The following ERN2 variants were observed in gnomAD, a reference collection of about 807,000 sequenced individuals.
ERN2 encodes endoplasmic reticulum to nucleus signaling 2, also known as serine/threonine-protein kinase/endoribonuclease IRE2.
A neutral mutation model predicts 107.9 loss-of-function variants in ERN2; 111 were observed. The observed-to-expected ratio is 1.03, with a 90% CI of 0.88 to 1.20. The LOEUF (loss-of-function observed/expected upper bound fraction) is 1.20. ERN2 is among the 50% of genes most tolerant of loss of function. The pLI is 0.00. For missense variants in ERN2, 1,225 were observed against 1,197.9 expected (o/e 1.02, Z -0.33); for synonymous variants, 524 against 501.7 (o/e 1.04, Z -0.59).
At position 23,694,857 on chromosome 16, in the gene ERN2, C is replaced by A. The variant is rs1221899701; in HGVS notation, c.1971G>T (p.Val657=). The A allele has an allele frequency of 1.9e-6, 3 of 1,614,214 alleles. No individual in the cohort carries two copies. The highest frequency in any genetic ancestry group is 2.5e-6 in the Non-Finnish European group (3 of 1,180,022). Residue 657 remains valine (V), a synonymous_variant, in exon 17 of 22, where the codon GTG becomes GTT. Transcript: ENST00000256797. ...GPDSQGLGRV[V]LSDFGLCKKL... ...TCTTGCAGAGGCCGAAGTCTGAGAG[C>A]ACCACTCTGCCCAGGCCCTGGCTGT...
chr16:23,706,512 G>A (rs36047689), intron 6 of ERN2, 81 bp from the exon 7 acceptor site: 480,347 of 1,080,972 alleles, frequency 0.44, 111,355 homozygotes, highest in Non-Finnish European at 0.48. Context: ...TCTTGCAGGA[G>A]TGGGGGTTTC....
At chr16:23,706,959 T>A (rs371449263) in intron 5 of ERN2, 48 bp downstream of exon 5, 19 of 1,590,120 alleles carry the variant, frequency 1.2e-5, no homozygotes, top group Admixed American at 1.7e-5. Flanking sequence ...CTTAGATCCC[T>A]GCCTCTGCTG....
At position 23,700,579 on chromosome 16, in the gene ERN2, C is replaced by A; in HGVS notation, c.1485G>T (p.Gln495His). ...GASRRSQKRL[Q>H]SPSKQAQPLD... ...GTGGCTGGGCTTGCTTTGAGGGACT[C>A]TGAAGCCTCTTCTGGCTCCTCCGGC... The change falls in exon 13 of 22, where the codon CAG becomes CAT. Residue 495 changes from glutamine (Q) to histidine (H), a missense_variant. Physicochemically the swap from Gln to His is conservative, Grantham distance 24. Transcript: ENST00000256797. The A allele has an allele frequency of 6.2e-7, 1 of 1,614,092 alleles. No individual in the cohort carries two copies. Among genetic ancestry groups the A allele is most frequent in the Non-Finnish European group, 8.5e-7 (1 of 1,179,976 alleles).
intron 4 of ERN2, 85 bp from the exon 5 acceptor site, chr16:23,707,164 C>G: frequency 1.1e-6 from 1 of 922,788 alleles, no homozygotes; most frequent in Non-Finnish European, 1.8e-6. Context: ...TCCATAGCAA[C>G]CAATTAACAG....
At position 23,704,927 on chromosome 16, in the gene ERN2, G is replaced by A. The variant is rs778918044; in HGVS notation, c.810C>T (p.Pro270=). Residue 270 remains proline (P), a synonymous_variant, in exon 8 of 22, where the codon CCC becomes CCT. Transcript: ENST00000256797. ...TAGAGAAGAGGGTGGCTGTGTCCCGGGGGCCTGAGGCAGGCAGTCGGATGT... is the reference window on the plus strand; with the variant it reads ...TAGAGAAGAGGGTGGCTGTGTCCCGAGGGCCTGAGGCAGGCAGTCGGATGT... The part of the protein sequence containing the change: ...WGHIRLPASG[P]RDTATLFSTL... 5.0e-6 allele frequency: 8 copies of A among 1,613,478 alleles called. No homozygotes were observed. The highest frequency in any genetic ancestry group is 3.3e-4 in the Middle Eastern group (2 of 6,032).
At chr16:23,702,343 A>T (rs1263990949) in intron 10 of ERN2, 47 bp downstream of exon 10, 2 of 1,610,998 alleles carry the variant, frequency 1.2e-6, no homozygotes, top group Non-Finnish European at 1.7e-6. Context: ...CTGGGCTCAC[A>T]GGTTCTTTAT....
At chr16:23,707,111 A>T in intron 4 of ERN2, 32 bp from the exon 5 acceptor site, 1 of 1,519,740 alleles carries the variant, frequency 6.6e-7, no homozygotes, top group Non-Finnish European at 9.1e-7. Flanking sequence ...GGAAGGAGTA[A>T]GAGCAGCAAC....
intron 1 of ERN2, chr16:23,711,879 C>T (rs1040087205): frequency 4.8e-6 from 1 of 206,994 alleles, no homozygotes; most frequent in South Asian, 4.5e-5. Context: ...CCCAAACCAG[C>T]CCAGCTGGTT....
intron 11 of ERN2, 116 bp downstream of exon 11, chr16:23,702,036 G>T: frequency 9.2e-7 from 1 of 1,084,246 alleles, no homozygotes; most frequent in East Asian, 2.4e-5. Flanking sequence ...ATTGTGTGAG[G>T]TCAATTGACC....
At chr16:23,691,098 G>GACCCAGGCCC (rs372802407) in intron 21 of ERN2, 31 bp downstream of exon 21, 12 of 1,613,804 alleles carry the variant, frequency 7.4e-6, no homozygotes, top group African/African-American at 2.7e-5. Context: ...GCCTTCCCAA[G>GACCCAGGCCC]ACCCAGGCCC....
At chr16:23,708,752 T>A (rs1451255817) in intron 4 of ERN2, among the ~76,000 whole-genome samples, 1 of 152,178 alleles carries the variant, frequency 6.6e-6, no homozygotes, top group African/African-American at 2.4e-5. Flanking sequence ...GCTCTGGGCA[T>A]GTAAGACGTG....
Position 23,695,193 on chromosome 16 carries a change from A to C in ERN2, c.1800+7T>G. The C allele has an allele frequency of 6.2e-7, 1 of 1,613,954 alleles. No individual in the cohort carries two copies. The highest frequency in any genetic ancestry group is 8.5e-7 in the Non-Finnish European group (1 of 1,179,850). On this transcript the variant is annotated splice_region_variant and intron_variant, in intron 15 of 21. Coordinates refer to ENST00000256797, the MANE Select transcript of ERN2 (RefSeq NM_033266.4). ...ACTCACCCTCCCTGAACCGCAATGC[A>C]ACTCACCTCCTGCAAGGAGGCCCGG...
chr16:23,691,007 G>C lies in ERN2; in HGVS notation c.2605C>G (p.Gln869Glu), dbSNP rs765079677. The C allele has an allele frequency of 3.7e-6, 6 of 1,614,070 alleles. No individual in the cohort carries two copies. In the African/African-American group the frequency reaches 8.0e-5, roughly 22 times the overall value. The change falls in exon 22 of 22, where the codon CAG (glutamine) becomes GAG (glutamate). Residue 869 changes from glutamine to glutamate, a missense_variant. Physicochemically the swap from Gln to Glu is conservative, Grantham distance 29. Transcript: ENST00000256797. ...HYRELPVEVR[Q>E]ALGQVPDGFV... is the part of the protein sequence containing the mutation. ...CCATCAGGGACTTGGCCGAGTGCCT[G>C]TCGCACCTCAACTGGGAGCTCCCTG...
intron 7 of ERN2, 49 bp from the exon 8 acceptor site, chr16:23,705,196 G>A: frequency 6.3e-7 from 1 of 1,588,638 alleles, no homozygotes; most frequent in Admixed American, 1.7e-5. Context: ...TCTCCTAAGA[G>A]GGTCCAAGGG....
rs1959627339 is a variant in ERN2 at position 23,692,222 on chromosome 16, C to T, written c.2210G>A (p.Gly737Glu). Residue 737 changes from glycine to glutamate, a missense_variant, in exon 18 of 22, where the codon GGG becomes GAG. Gly to Glu is a moderately conservative substitution (Grantham distance 98). Coordinates refer to ENST00000256797, the MANE Select transcript of ERN2 (RefSeq NM_033266.4). ...CTCCAGGTGAGCCAGACAGGGAGCC[C>T]CTGTGAGGATGTTTGCCTGGCGATA... The part of the protein sequence containing the change: ...SLYRQANILT[G>E]APCLAHLEEE... 2 of 1,614,028 alleles carry T rather than the reference C, an allele frequency of 1.2e-6. No homozygotes were observed. The highest frequency in any genetic ancestry group is 8.5e-7 in the Non-Finnish European group (1 of 1,180,034).
chr16:23,707,000 T>A lies in ERN2; in HGVS notation c.379+7A>T, dbSNP rs751483959. 1.9e-6 allele frequency: 3 copies of A among 1,612,568 alleles called. No individual in the cohort carries two copies. The highest frequency in any genetic ancestry group is 2.7e-5 in the African/African-American group (2 of 74,918). On this transcript the variant is annotated splice_region_variant and intron_variant, in intron 5 of 21. Coordinates refer to ENST00000256797, the MANE Select transcript of ERN2 (RefSeq NM_033266.4). ...ACCTGGACCCCACAGGCTGAAGAGA[T>A]GCTCACCTGTGTAGAAGACCCCATC...
At chr16:23,693,294 T>G (rs542267921) in intron 17 of ERN2, among the ~76,000 whole-genome samples, 1 of 151,834 alleles carries the variant, frequency 6.6e-6, no homozygotes, top group Admixed American at 6.6e-5. Flanking sequence ...CTCAAAAATA[T>G]ATATATATAG....
chr16:23,711,924 G>A lies in ERN2; in HGVS notation c.94-906C>T, dbSNP rs1488627680. On this transcript the variant is annotated intron_variant, in intron 1 of 21. Coordinates refer to ENST00000256797, the MANE Select transcript of ERN2 (RefSeq NM_033266.4). Reference sequence around the variant, plus strand: ...GGCTCCAGTGGGTCCCTTGACCCAAGGCTGGGGGGTGCCCTTGGGAGGGGG... The same window carrying A: ...GGCTCCAGTGGGTCCCTTGACCCAAAGCTGGGGGGTGCCCTTGGGAGGGGG... 1.4e-5 allele frequency: 4 copies of A among 287,188 alleles called. No homozygotes were observed. The Admixed American group carries it at 1.5e-4, about 11-fold the overall frequency. 17.8% of individuals were successfully genotyped at this position (287,188 alleles called of 1,614,324 possible).
intron 21 of ERN2, 29 bp from the exon 22 acceptor site, chr16:23,691,072 G>T: frequency 6.2e-7 from 1 of 1,613,840 alleles, no homozygotes; most frequent in South Asian, 1.1e-5. Flanking sequence ...GAGAACCCTG[G>T]CTCAGCTGCG....
Sources: allele counts gnomAD v4.1 joint callset (sites outside exome capture counted in the v4.1 genomes callset), GRCh38; gene constraint gnomAD v4.1.1; transcripts MANE v1.5; gene names NCBI Gene and HGNC (gene_info 2026-07-23, HGNC 2026-07-21).